HIGD1C: variants seen among roughly 807,000 people sequenced by gnomAD.
The protein encoded by HIGD1C is HIG1 hypoxia inducible domain family member 1C.
A neutral mutation model predicts 13.1 loss-of-function variants in HIGD1C; 11 were observed. That is an observed-to-expected ratio of 0.84 (90% CI 0.53 to 1.39). The LOEUF is 1.39. Among genes scored for constraint, HIGD1C ranks in the 40% most tolerant of loss-of-function variants. The probability of loss-of-function intolerance (pLI) is 0.00; values close to 1 mark genes in which losing one functional copy is unlikely to be tolerated. For synonymous variants in HIGD1C, 36 were observed against 37.7 expected (o/e 0.95, Z 0.17); for missense variants, 110 against 112.0 (o/e 0.98, Z 0.08).
chr12:50,971,898 A>T, downstream of HIGD1C, among the ~76,000 whole-genome samples: 1 of 152,226 alleles, frequency 6.6e-6, no homozygotes, highest in East Asian at 1.9e-4. Flanking sequence ...TGTTCTGTGT[A>T]TTATATACAT....
intron 1 of HIGD1C, 91 bp from the exon 4 acceptor site, chr12:50,960,877 G>C: frequency 1.8e-6 from 2 of 1,103,050 alleles, no homozygotes; most frequent in Non-Finnish European, 2.5e-6. Context: ...ATGGGGTCTT[G>C]CTATGTTGCC....
At chr12:50,937,764 T>C in the HIGD1C span, among the ~76,000 whole-genome samples, 1 of 152,058 alleles carries the variant, frequency 6.6e-6, no homozygotes, top group East Asian at 1.9e-4. Flanking sequence ...AGGCAGGACA[T>C]CCCATCAAGC....
the HIGD1C span, among the ~76,000 whole-genome samples, chr12:50,938,198 A>G: frequency 7.7e-6 from 1 of 130,044 alleles, no homozygotes; most frequent in African/African-American, 2.8e-5. Context: ...GCACCCCTCC[A>G]CCCCCCCACC....
At chr12:50,971,068 T>TG (rs1939743607), downstream of HIGD1C, among the ~76,000 whole-genome samples, 1 of 152,028 alleles carries the variant, frequency 6.6e-6, no homozygotes, top group African/African-American at 2.4e-5. Flanking sequence ...TTAGTAGAGA[T>TG]GGGGTTTCAT....
exon 1 of HIGD1C, chr12:50,953,992 G>GA (rs776947824): frequency 1.1e-5 from 17 of 1,586,546 alleles, no homozygotes; most frequent in Admixed American, 1.7e-5. Flanking sequence ...TGTTACTAGA[G>GA]AAAAAAATGT....
chr12:50,942,707 A>G, the HIGD1C span, among the ~76,000 whole-genome samples: 1 of 151,990 alleles, frequency 6.6e-6, no homozygotes, highest in Non-Finnish European at 1.5e-5. Context: ...ATCTCTACAA[A>G]TAAAAAATTA....
downstream of HIGD1C, chr12:50,970,535 A>T (rs998956760): frequency 5.8e-6 from 8 of 1,379,952 alleles, no homozygotes; most frequent in African/African-American, 7.3e-5. Flanking sequence ...AAGAAAGACA[A>T]GAAGCTTCTG....
the HIGD1C span, chr12:50,940,107 C>T: frequency 6.6e-6 from 1 of 152,002 alleles, no homozygotes; most frequent in African/African-American, 2.4e-5. Context: ...AAATAGTTTG[C>T]AAAATTCTTA....
chr12:50,962,325 C>T (rs1246190109), intron 2 of HIGD1C, among the ~76,000 whole-genome samples: 4 of 152,064 alleles, frequency 2.6e-5, no homozygotes, highest in Admixed American at 6.6e-5. Context: ...GCAGGAGAAT[C>T]GCTTGAATCT....
chr12:50,949,654 C>G (rs1200951440), upstream of HIGD1C, among the ~76,000 whole-genome samples: 1 of 151,428 alleles, frequency 6.6e-6, no homozygotes, highest in Non-Finnish European at 1.5e-5. Context: ...CTGCCTCAGC[C>G]TCCTCAGTAG....
chr12:50,935,887 G>C, the HIGD1C span, among the ~76,000 whole-genome samples: 1 of 152,206 alleles, frequency 6.6e-6, no homozygotes, highest in Non-Finnish European at 1.5e-5. Context: ...GCCGGGCACA[G>C]TGGCTCGTGC....
chr12:50,947,231 C>A, the HIGD1C span, among the ~76,000 whole-genome samples: 1 of 152,182 alleles, frequency 6.6e-6, no homozygotes, highest in Non-Finnish European at 1.5e-5. Context: ...TTTCCTACTG[C>A]TGCTCTAATG....
At chr12:50,950,552 G>C (rs73090641), upstream of HIGD1C, among the ~76,000 whole-genome samples, 182 of 152,182 alleles carry the variant, frequency 1.2e-3, 1 homozygote, top group South Asian at 2.1e-3. Flanking sequence ...CACCCAGACT[G>C]AGTGCAGTGG....
intron 2 of HIGD1C, among the ~76,000 whole-genome samples, chr12:50,962,868 A>G (rs913722528): frequency 2.6e-5 from 4 of 152,198 alleles, no homozygotes; most frequent in Non-Finnish European, 5.9e-5. Context: ...TAGGCAGAGG[A>G]AAAAACAAAG....
chr12:50,960,801 G>A (rs1939295055), intron 1 of HIGD1C, among the ~76,000 whole-genome samples, 167 bp from the exon 4 acceptor site: 1 of 151,904 alleles, frequency 6.6e-6, no homozygotes, highest in Non-Finnish European at 1.5e-5. Context: ...TCCTGCCTCA[G>A]CCTCCTGAGT....
intron 2 of HIGD1C, among the ~76,000 whole-genome samples, chr12:50,964,810 T>C (rs1413325861): frequency 6.6e-6 from 1 of 152,270 alleles, no homozygotes; most frequent in Non-Finnish European, 1.5e-5. Context: ...ATAGGAATAG[T>C]ATCATTCTCC....
chr12:50,933,095 T>G, the HIGD1C span, among the ~76,000 whole-genome samples: 1 of 152,192 alleles, frequency 6.6e-6, no homozygotes. Flanking sequence ...CAAATATTAT[T>G]GTCACTTTTC....
the HIGD1C span, among the ~76,000 whole-genome samples, chr12:50,939,623 T>A: frequency 1.3e-5 from 2 of 152,202 alleles, no homozygotes; most frequent in Admixed American, 1.3e-4. Context: ...TCAGAATATT[T>A]GAATCCAGAT....
intron 1 of HIGD1C, among the ~76,000 whole-genome samples, chr12:50,958,174 G>A (rs940308838): frequency 2.0e-5 from 3 of 151,910 alleles, no homozygotes; most frequent in Non-Finnish European, 2.9e-5. Context: ...TTATCTACAG[G>A]CTTAATGTAA....
Sources: allele counts gnomAD v4.1 joint callset (sites outside exome capture counted in the v4.1 genomes callset), GRCh38; gene constraint gnomAD v4.1.1; transcripts MANE v1.5; gene names NCBI Gene and HGNC (gene_info 2026-07-23, HGNC 2026-07-21).